The following NFIX variants were observed in gnomAD, a reference collection of about 807,000 sequenced individuals.
NFIX encodes nuclear factor I X, also known as nuclear factor 1 X-type.
A neutral mutation model predicts 53.3 loss-of-function variants in NFIX; 2 were observed. That is an observed-to-expected ratio of 0.04 (90% CI 0.02 to 0.12). The LOEUF is 0.12. Ranked by LOEUF, NFIX falls within the 10% of genes least tolerant of loss-of-function variation. The pLI, the probability that NFIX is intolerant of heterozygous loss-of-function variation, is 1.00. For missense variants in NFIX, 310 were observed against 674.5 expected (o/e 0.46, Z 5.99); for synonymous variants, 244 against 289.0 (o/e 0.84, Z 1.58).
rs11555274 is a variant in NFIX, at chr19:13,096,470, G to C, written c.*1821G>C. The C allele has an allele frequency of 0.077, 11,652 of 152,214 alleles. 571 individuals are homozygous for C. Among genetic ancestry groups the C allele is most frequent in the Non-Finnish European group, 0.12 (7,946 of 67,986 alleles). The allele number at this position is 152,214 out of a possible 1,614,324, so 9.4% of individuals were successfully genotyped here. On this transcript the variant is annotated 3_prime_UTR_variant, in exon 11 of 11. Coordinates refer to ENST00000592199, the MANE Select transcript of NFIX (RefSeq NM_001365902.3). ...GAAGCCACAAGGTGGCTGGCTCCAG[G>C]GGCGGCTTTTGTTGGAAGTTGAGTG...
At chr19:13,023,364 C>T (rs1174917441) in intron 1 of NFIX, among the ~76,000 whole-genome samples, 2 of 151,574 alleles carry the variant, frequency 1.3e-5, no homozygotes, top group Non-Finnish European at 2.9e-5. Flanking sequence ...CTTTTGCACG[C>T]GTCTGCCAGC....
chr19:13,074,738 A>T (rs1371641171), intron 5 of NFIX, among the ~76,000 whole-genome samples: 1 of 149,020 alleles, frequency 6.7e-6, no homozygotes, highest in Non-Finnish European at 1.5e-5. Flanking sequence ...TGTTTATATT[A>T]ATTGCGAGAT....
chr19:13,029,366 C>T (rs929284065), intron 2 of NFIX, among the ~76,000 whole-genome samples: 9 of 152,138 alleles, frequency 5.9e-5, no homozygotes, highest in African/African-American at 2.2e-4. Flanking sequence ...TTAATGTTCA[C>T]ATTTCCCTAA....
intron 2 of NFIX, among the ~76,000 whole-genome samples, chr19:13,050,508 G>A (rs936120512): frequency 6.6e-5 from 10 of 152,212 alleles, no homozygotes; most frequent in African/African-American, 1.9e-4. Flanking sequence ...CTCTGGCTCT[G>A]TATCTGTGTG....
At chr19:13,063,586 T>G (rs1012414106) in intron 2 of NFIX, among the ~76,000 whole-genome samples, 1 of 152,174 alleles carries the variant, frequency 6.6e-6, no homozygotes, top group Non-Finnish European at 1.5e-5. Context: ...CTGCTCTGAT[T>G]CTTCTTGCCC....
rs2016007760 is a variant in NFIX at position 13,060,546 on chromosome 19, C to CT, written c.560-12500dup. 6.6e-6 allele frequency among the ~76,000 whole-genome samples: 1 copy of CT among 152,248 alleles called. No individual in the cohort carries two copies. The highest frequency in any genetic ancestry group is 1.5e-5 in the Non-Finnish European group (1 of 68,042). On this transcript the variant is annotated intron_variant, in intron 2 of 10. Coordinates refer to ENST00000592199, the MANE Select transcript of NFIX (RefSeq NM_001365902.3). This position sits in a 1 kb window ranked among gnomAD's most constrained non-coding sequence, Gnocchi z 4.3. ...AGAAGCCTGGGTAAGCTGCTAATGG[C>CT]TGGTAGTATGGGTGTCCAAGGACCT...
intron 2 of NFIX, among the ~76,000 whole-genome samples, chr19:13,064,170 A>C (rs2016261447): frequency 1.3e-5 from 2 of 151,822 alleles, no homozygotes; most frequent in South Asian, 4.1e-4. Flanking sequence ...TGGGGAGGGG[A>C]TAGAAGCTTC....
In NFIX at chr19:13,078,843, G is replaced by A. The variant is rs756655580; in HGVS notation, c.1078+108G>A. The A allele has an allele frequency of 2.9e-5, 38 of 1,308,570 alleles. No homozygotes were observed. Among genetic ancestry groups the A allele is most frequent in the Middle Eastern group, 2.7e-4 (1 of 3,710 alleles). 81.1% of individuals were successfully genotyped at this position (1,308,570 alleles called of 1,614,324 possible). On this transcript the variant is annotated intron_variant, in intron 7 of 10. Transcript: ENST00000592199. The surrounding 1 kb of genome is among the most constrained non-coding windows in gnomAD (Gnocchi z 4.7). ...AGCTGACCCCGAGTGACAGCCCCAC[G>A]CTCTCCAAGTGGGCCAAGGTGCAGC...
chr19:13,039,697 G>T (rs1001665211), intron 2 of NFIX, among the ~76,000 whole-genome samples: 3 of 152,190 alleles, frequency 2.0e-5, no homozygotes, highest in Non-Finnish European at 4.4e-5. Flanking sequence ...CTGGGGGCCA[G>T]TTTATTTTGC....
rs2018010151 is a variant in NFIX, at chr19:13,089,573, A to G, written c.1403-726A>G. ...CTGGTGCATCAGTCAGAGGAGGAGA[A>G]TGCCATAGGCCTGAGCCTTGCCACC... On this transcript the variant is annotated intron_variant, in intron 9 of 10. Coordinates refer to ENST00000592199, the MANE Select transcript of NFIX (RefSeq NM_001365902.3). The surrounding 1 kb of genome is among the most constrained non-coding windows in gnomAD (Gnocchi z 4.8). Among the ~76,000 whole-genome samples the G allele has an allele frequency of 6.6e-6, 1 of 152,166 alleles. No homozygotes were observed. Among genetic ancestry groups the G allele is most frequent in the Non-Finnish European group, 1.5e-5 (1 of 68,014 alleles).
chr19:13,039,245 C>CACACACACGT (rs146029256), intron 2 of NFIX, among the ~76,000 whole-genome samples: 1 of 148,492 alleles, frequency 6.7e-6, no homozygotes, highest in African/African-American at 2.5e-5. Context: ...CACACATACA[C>CACACACACGT]GTGTGTGTGT....
chr19:13,054,032 C>A (rs867610913), intron 2 of NFIX, among the ~76,000 whole-genome samples: 13 of 152,148 alleles, frequency 8.5e-5, no homozygotes, highest in Middle Eastern at 3.4e-3. Context: ...AGCACGGATC[C>A]CAGCTTCGTG....
At chr19:13,047,166 G>C (rs1481089721) in intron 2 of NFIX, among the ~76,000 whole-genome samples, 1 of 151,952 alleles carries the variant, frequency 6.6e-6, no homozygotes, top group Admixed American at 6.5e-5. Flanking sequence ...ACCGTGAATG[G>C]GAAACCCATT....
Position 13,028,289 on chromosome 19 carries a change from A to G in NFIX, c.559+2737A>G, listed in dbSNP as rs1435798674. On this transcript the variant is annotated intron_variant, in intron 2 of 10. Transcript: ENST00000592199. The surrounding 1 kb of genome is among the most constrained non-coding windows in gnomAD (Gnocchi z 4.2). ...ACAGGGGCCGGGATGGCACAGGCTCAGACAAGAGCTGCTTTGGACTCTGAA... is the reference window on the plus strand; with the variant it reads ...ACAGGGGCCGGGATGGCACAGGCTCGGACAAGAGCTGCTTTGGACTCTGAA... 2.0e-5 allele frequency among the ~76,000 whole-genome samples: 3 copies of G among 152,238 alleles called. No homozygotes were observed. The highest frequency in any genetic ancestry group is 7.2e-5 in the African/African-American group (3 of 41,466).
rs1220700219 is a variant in NFIX, at chr19:13,088,718, T to G, written c.1402+582T>G. On this transcript the variant is annotated intron_variant, in intron 9 of 10. Coordinates refer to ENST00000592199, the MANE Select transcript of NFIX (RefSeq NM_001365902.3). This position sits in a 1 kb window ranked among gnomAD's most constrained non-coding sequence, Gnocchi z 5.9. ...GGTTTCTCGTTGTTCCTCTTTTTTT[T>G]TCCCCCCCTTCCATCCCTCTCCCGT... 2.0e-5 allele frequency among the ~76,000 whole-genome samples: 3 copies of G among 151,722 alleles called. No homozygotes were observed. Among genetic ancestry groups the G allele is most frequent in the Non-Finnish European group, 4.4e-5 (3 of 67,960 alleles).
intron 2 of NFIX, among the ~76,000 whole-genome samples, chr19:13,039,175 T>G (rs1377295616): frequency 6.6e-6 from 1 of 151,798 alleles, no homozygotes; most frequent in Non-Finnish European, 1.5e-5. Flanking sequence ...AGCACACAAA[T>G]CTCTGGGCAT....
chr19:13,076,889 G>T (rs2017134517), intron 6 of NFIX, among the ~76,000 whole-genome samples: 1 of 152,148 alleles, frequency 6.6e-6, no homozygotes, highest in Non-Finnish European at 1.5e-5. Context: ...GGAGTGGGCT[G>T]GAGACCCTCT....
rs201956443 is a variant in NFIX at position 13,019,727 on chromosome 19, G to GTTTTTTTTTTTTTTTTTT, written c.28-5291_28-5290insTTTTTTTTTTTTTTTTTT. On this transcript the variant is annotated intron_variant, in intron 1 of 10. Transcript: ENST00000592199. ...ACTGTTGCTGGTTTTTTTTTTGTTT[G>GTTTTTTTTTTTTTTTTTT]TTTGTTTTTTTTTTTTTTTTACCAA... 1.6e-5 allele frequency among the ~76,000 whole-genome samples: 2 copies of GTTTTTTTTTTTTTTTTTT among 124,028 alleles called. 1 individual carries two copies. 81.4% of individuals were successfully genotyped at this position (124,028 alleles called of 152,430 possible). A position where few individuals can be genotyped will look rare whatever the true frequency, so the allele number is the denominator to read the frequency against.
chr19:13,089,183 G>A lies in NFIX; in HGVS notation c.1402+1047G>A, dbSNP rs1057228487. 1.3e-5 allele frequency among the ~76,000 whole-genome samples: 2 copies of A among 152,220 alleles called. No homozygotes were observed. The highest frequency in any genetic ancestry group is 2.1e-4 in the South Asian group (1 of 4,836). The stretch of plus-strand genomic sequence containing the variant: ...ACATGAAGTCACAGTCATTGGAGGT[G>A]GGCAGGGTGGGGGATGGGAGCTGGG... On this transcript the variant is annotated intron_variant, in intron 9 of 10. Transcript: ENST00000592199. The surrounding 1 kb of genome is among the most constrained non-coding windows in gnomAD (Gnocchi z 4.8).
Sources: allele counts gnomAD v4.1 joint callset (sites outside exome capture counted in the v4.1 genomes callset), GRCh38; gene constraint gnomAD v4.1.1; non-coding constraint Gnocchi (gnomAD v3.1); transcripts MANE v1.5; gene names NCBI Gene and HGNC (gene_info 2026-07-23, HGNC 2026-07-21).